The following DPP10 variants were observed in gnomAD, a reference collection of about 807,000 sequenced individuals.
DPP10 encodes inactive dipeptidyl peptidase 10.
DPP10 carries 33 observed loss-of-function variants against 120.9 expected under a neutral mutation model. The observed-to-expected ratio is 0.27, with a 90% CI of 0.21 to 0.37. The LOEUF (loss-of-function observed/expected upper bound fraction) is 0.37, where lower values mean the gene tolerates loss of function less well. Among genes scored for constraint, DPP10 ranks in the 10% least tolerant of loss-of-function variants. DPP10 has a pLI of 1.00. For synonymous variants in DPP10, 337 were observed against 326.1 expected (o/e 1.03, Z -0.36); for missense variants, 816 against 942.8 (o/e 0.87, Z 1.76).
At chr2:115,792,680 A>T (rs566308204) in intron 19 of DPP10, among the ~76,000 whole-genome samples, 1 of 152,036 alleles carries the variant, frequency 6.6e-6, no homozygotes, top group South Asian at 2.1e-4. Context: ...AACTGTATGT[A>T]TGATTTACTG....
At chr2:115,781,991 C>A (rs1682817082) in intron 16 of DPP10, among the ~76,000 whole-genome samples, 1 of 151,828 alleles carries the variant, frequency 6.6e-6, no homozygotes, top group Non-Finnish European at 1.5e-5. Context: ...GATCTTGGAT[C>A]AGTGGATGAG....
chr2:115,143,065 A>G (rs1173313744), intron 1 of DPP10, among the ~76,000 whole-genome samples: 2 of 152,138 alleles, frequency 1.3e-5, no homozygotes, highest in East Asian at 3.9e-4. Context: ...GCTCCCTTTC[A>G]TTGACCTTTT....
chr2:115,778,459 G>A (rs1439475513), intron 15 of DPP10, among the ~76,000 whole-genome samples: 1 of 152,080 alleles, frequency 6.6e-6, no homozygotes, highest in Non-Finnish European at 1.5e-5. Flanking sequence ...CACCTATTTA[G>A]TATTAAAATG....
chr2:114,962,160 T>C (rs768738709), intron 1 of DPP10, among the ~76,000 whole-genome samples: 1 of 152,194 alleles, frequency 6.6e-6, no homozygotes, highest in Non-Finnish European at 1.5e-5. Flanking sequence ...GGTACTCTTG[T>C]ATTGCTTTAT....
At chr2:115,486,987 A>G (rs1182432738) in intron 3 of DPP10, among the ~76,000 whole-genome samples, 3 of 152,148 alleles carry the variant, frequency 2.0e-5, no homozygotes, top group Admixed American at 1.3e-4. Flanking sequence ...TTTAAATAAA[A>G]ACGAACTTTA....
At chr2:115,736,172 G>T (rs1676479963) in intron 8 of DPP10, among the ~76,000 whole-genome samples, 1 of 152,022 alleles carries the variant, frequency 6.6e-6, no homozygotes, top group Non-Finnish European at 1.5e-5. Context: ...TCAATATTAT[G>T]GGAATAAGAA....
chr2:115,379,277 T>G (rs1218662439), intron 3 of DPP10, among the ~76,000 whole-genome samples: 2 of 152,228 alleles, frequency 1.3e-5, no homozygotes, highest in Non-Finnish European at 2.9e-5. Context: ...TGGTTTAGTC[T>G]TGGGAGAGTG....
chr2:114,547,454 C>T (rs72840638), intron 1 of DPP10, among the ~76,000 whole-genome samples: 1 of 147,770 alleles, frequency 6.8e-6, no homozygotes, highest in Non-Finnish European at 1.5e-5. Context: ...AAAGAAATAG[C>T]TTTTTTTTTT....
At chr2:115,769,488 G>C (rs1485263405) in intron 13 of DPP10, among the ~76,000 whole-genome samples, 1 of 151,912 alleles carries the variant, frequency 6.6e-6, no homozygotes, top group South Asian at 2.1e-4. Flanking sequence ...AGTTGTCATT[G>C]TTTTAACTTT....
intron 3 of DPP10, among the ~76,000 whole-genome samples, chr2:115,482,629 A>T (rs865930076): frequency 6.6e-6 from 1 of 151,990 alleles, no homozygotes; most frequent in Admixed American, 6.6e-5. Flanking sequence ...ATTATGCCAT[A>T]TGCAGCTCTT....
rs1324111511 is a variant in DPP10, at chr2:115,103,448, A to T, written c.61-205791A>T. Among the ~76,000 whole-genome samples, 6 of 152,152 alleles carry T rather than the reference A, an allele frequency of 3.9e-5. No homozygotes were observed. In the East Asian group the frequency reaches 1.2e-3, roughly 29 times the overall value. On this transcript the variant is annotated intron_variant, in intron 1 of 25. Transcript: ENST00000410059. The stretch of plus-strand genomic sequence containing the variant: ...CGGGATCCGCCTGCCTCAGCCTCCC[A>T]AAGTGCTGGGATTACAGGCGTGGGC...
chr2:115,065,216 A>T (rs1187636972), intron 1 of DPP10, among the ~76,000 whole-genome samples: 1 of 152,184 alleles, frequency 6.6e-6, no homozygotes, highest in Non-Finnish European at 1.5e-5. Context: ...TTTCCTTTAT[A>T]AGTCTATCCA....
chr2:115,813,954 A>G (rs80183609), intron 19 of DPP10, among the ~76,000 whole-genome samples: 2,780 of 152,306 alleles, frequency 0.018, 88 homozygotes, highest in African/African-American at 0.061. Flanking sequence ...ACAACTTCCT[A>G]TTGGAACTAT....
At chr2:114,644,044 C>G (rs1390787847) in intron 1 of DPP10, among the ~76,000 whole-genome samples, 1 of 149,148 alleles carries the variant, frequency 6.7e-6, no homozygotes, top group Non-Finnish European at 1.5e-5. Context: ...CAGCGATTCT[C>G]CTGCCTCAGC....
intron 1 of DPP10, among the ~76,000 whole-genome samples, chr2:115,093,431 A>G (rs1203734822): frequency 6.6e-6 from 1 of 152,144 alleles, no homozygotes; most frequent in African/African-American, 2.4e-5. Context: ...CCCAATATAA[A>G]TAATAACTAA....
intron 7 of DPP10, among the ~76,000 whole-genome samples, chr2:115,696,755 T>A (rs1025099359): frequency 6.6e-6 from 1 of 152,238 alleles, no homozygotes; most frequent in African/African-American, 2.4e-5. Context: ...ACTTTTTCTT[T>A]TCTACTTAAT....
At chr2:115,528,476 C>T (rs967753276) in intron 5 of DPP10, among the ~76,000 whole-genome samples, 14 of 151,398 alleles carry the variant, frequency 9.2e-5, no homozygotes, top group African/African-American at 1.7e-4. Flanking sequence ...TACTACCATC[C>T]GACCCAGCAA....
intron 1 of DPP10, among the ~76,000 whole-genome samples, chr2:114,538,602 T>C (rs1184122377): frequency 6.6e-6 from 1 of 152,198 alleles, no homozygotes; most frequent in Non-Finnish European, 1.5e-5. Context: ...AATTGAGTCC[T>C]ATTATTCCAG....
chr2:114,970,859 C>T (rs1485219365), intron 1 of DPP10, among the ~76,000 whole-genome samples: 1 of 152,058 alleles, frequency 6.6e-6, no homozygotes, highest in Non-Finnish European at 1.5e-5. Flanking sequence ...GAGTTAAACA[C>T]AAGGTAGAGA....
Sources: allele counts gnomAD v4.1 joint callset (sites outside exome capture counted in the v4.1 genomes callset), GRCh38; gene constraint gnomAD v4.1.1; transcripts MANE v1.5; gene names NCBI Gene and HGNC (gene_info 2026-07-23, HGNC 2026-07-21).